PYY: variants seen among roughly 807,000 people sequenced by gnomAD.
The protein encoded by PYY is peptide YY.
A neutral mutation model predicts 10.3 loss-of-function variants in PYY; 12 were observed. The ratio of observed to expected loss-of-function variants is 1.17; its 90% CI spans 0.75 to 1.89. PYY has a LOEUF of 1.89. PYY is among the 40% of genes most tolerant of loss of function. The pLI, the probability that PYY is intolerant of heterozygous loss-of-function variation, is 0.00. For synonymous variants in PYY, 66 were observed against 62.0 expected (o/e 1.06, Z -0.30); for missense variants, 141 against 134.0 (o/e 1.05, Z -0.26).
chr17:43,984,014 C>G (rs111390042), intron 1 of PYY, among the ~76,000 whole-genome samples: 4,650 of 152,332 alleles, frequency 0.031, 214 homozygotes, highest in African/African-American at 0.096. Flanking sequence ...CCGCCGGAAC[C>G]ACGGCCGCGC....
At chr17:43,988,897 G>T (rs1184616058) in intron 1 of PYY, among the ~76,000 whole-genome samples, 1 of 151,478 alleles carries the variant, frequency 6.6e-6, no homozygotes. Context: ...GGAATAGCTG[G>T]GATTACAGGC....
At chr17:43,990,209 G>A (rs1418416942) in intron 1 of PYY, among the ~76,000 whole-genome samples, 2 of 151,588 alleles carry the variant, frequency 1.3e-5, no homozygotes, top group Non-Finnish European at 2.9e-5. Context: ...AGGCTGAGGC[G>A]GGCAGATCAC....
intron 1 of PYY, among the ~76,000 whole-genome samples, chr17:43,999,763 C>T (rs1038253551): frequency 7.6e-5 from 10 of 131,494 alleles, no homozygotes; most frequent in South Asian, 4.9e-4. Context: ...AGTGAAACTC[C>T]GTCTCAAAAA....
At chr17:43,998,158 C>T (rs927544599) in intron 1 of PYY, among the ~76,000 whole-genome samples, 10 of 152,008 alleles carry the variant, frequency 6.6e-5, no homozygotes, top group African/African-American at 2.2e-4. Context: ...AGGCTGGTCT[C>T]GAACTCCTGA....
At position 43,953,433 on chromosome 17, in the gene PYY, G is replaced by A; in HGVS notation, c.51C>T (p.Ala17=). Residue 17 remains alanine, a synonymous_variant, in exon 2 of 4, where the codon GCC becomes GCT. Transcript: ENST00000692052. ...CCAGCGCCCCTAGGCAGACGAGCAG[G>A]GCCAGAAGCACTGTGGTCAAGGCGG... is the stretch of plus-strand genomic sequence containing the variant. ...PWPALTTVLL[A]LLVCLGALVD... 6.2e-7 allele frequency: 1 copy of A among 1,612,570 alleles called. No individual in the cohort carries two copies. Among genetic ancestry groups the A allele is most frequent in the Non-Finnish European group, 8.5e-7 (1 of 1,179,406 alleles).
chr17:43,959,990 T>C (rs1178332890), intron 2 of PYY, among the ~76,000 whole-genome samples: 2 of 152,230 alleles, frequency 1.3e-5, no homozygotes, highest in African/African-American at 4.8e-5. Context: ...TTGTGGCTCC[T>C]GGCATCTGAT....
intron 1 of PYY, among the ~76,000 whole-genome samples, chr17:44,001,066 T>G (rs1380125238): frequency 6.6e-6 from 1 of 152,140 alleles, no homozygotes; most frequent in Non-Finnish European, 1.5e-5. Flanking sequence ...GCTATGGGGC[T>G]CTGTATTTGT....
At chr17:43,965,309 C>T (rs893432432) in intron 2 of PYY, among the ~76,000 whole-genome samples, 1 of 150,514 alleles carries the variant, frequency 6.6e-6, no homozygotes, top group Admixed American at 6.6e-5. Flanking sequence ...GGTGAAACCC[C>T]ATCTCTACTA....
intron 1 of PYY, among the ~76,000 whole-genome samples, chr17:44,001,428 C>T (rs2049025905): frequency 6.6e-6 from 1 of 152,174 alleles, no homozygotes; most frequent in Admixed American, 6.5e-5. Flanking sequence ...TGGACCCATA[C>T]ATCAACAATG....
At chr17:43,967,585 T>A (rs900776417) in intron 1 of PYY, among the ~76,000 whole-genome samples, 1 of 152,170 alleles carries the variant, frequency 6.6e-6, no homozygotes, top group African/African-American at 2.4e-5. Context: ...ATCGGCCACA[T>A]GTATATAACA....
intron 1 of PYY, among the ~76,000 whole-genome samples, chr17:43,992,393 C>T (rs1373911462): frequency 6.6e-6 from 1 of 151,684 alleles, no homozygotes; most frequent in East Asian, 2.0e-4. Context: ...CCAGCTTGGC[C>T]AACACGGTGA....
intron 1 of PYY, among the ~76,000 whole-genome samples, chr17:43,980,838 G>T (rs1220446384): frequency 6.6e-6 from 1 of 152,082 alleles, no homozygotes; most frequent in Non-Finnish European, 1.5e-5. Context: ...ATTCATCCGT[G>T]TTGTTGTGTG....
intron 1 of PYY, among the ~76,000 whole-genome samples, chr17:43,993,857 T>C (rs1276350057): frequency 6.6e-6 from 1 of 151,784 alleles, no homozygotes; most frequent in Non-Finnish European, 1.5e-5. Flanking sequence ...TATTAATTAT[T>C]ATTATTATTA....
In PYY at chr17:43,975,529, G is replaced by A. The variant is rs141990785; in HGVS notation, c.-462-8997C>T. Among the ~76,000 whole-genome samples the A allele has an allele frequency of 1.0e-2, 1,510 of 151,688 alleles. 20 individuals carry two copies. Among genetic ancestry groups the A allele is most frequent in the Non-Finnish European group, 0.018 (1,202 of 67,954 alleles). Reference sequence around the variant, plus strand: ...TCAAGAGCAGCCTGGGCAACATAGCGAAATCTTGTCCTACTAAAAATAAAA... The same window carrying A: ...TCAAGAGCAGCCTGGGCAACATAGCAAAATCTTGTCCTACTAAAAATAAAA... On this transcript the variant is annotated intron_variant, in intron 1 of 6. Transcript: ENST00000360085.
At chr17:43,963,582 G>GAAAGAA (rs535783368) in intron 2 of PYY, among the ~76,000 whole-genome samples, 1,678 of 73,838 alleles carry the variant, frequency 0.023, 37 homozygotes, top group East Asian at 0.086. Context: ...AAGAAAGAAA[G>GAAAGAA]AAAGAAAGAA....
chr17:43,963,235 C>T (rs1173436393), intron 2 of PYY, among the ~76,000 whole-genome samples: 2 of 152,092 alleles, frequency 1.3e-5, no homozygotes, highest in Admixed American at 6.6e-5. Context: ...GAGCTGGGCA[C>T]GGTGGCTCAT....
chr17:44,001,880 TGAA>T (rs1162519724), intron 1 of PYY, among the ~76,000 whole-genome samples: 3 of 152,126 alleles, frequency 2.0e-5, no homozygotes, highest in Non-Finnish European at 4.4e-5. Flanking sequence ...CCTGCTGTGA[TGAA>T]GAGCTGGCCT....
chr17:43,963,602 G>C (rs1376286710), intron 2 of PYY, among the ~76,000 whole-genome samples: 6 of 87,938 alleles, frequency 6.8e-5, no homozygotes, highest in Non-Finnish European at 1.4e-4. Context: ...AAGAAAGAAA[G>C]AAAGAAAGAA....
At chr17:43,979,908 A>G (rs968866962) in intron 1 of PYY, among the ~76,000 whole-genome samples, 1 of 152,118 alleles carries the variant, frequency 6.6e-6, no homozygotes, top group African/African-American at 2.4e-5. Context: ...TCAACTTTTT[A>G]TTGAAGACTA....
Sources: gnomAD v4.1 joint callset for allele counts (sites outside exome capture counted in the v4.1 genomes callset) on GRCh38, gnomAD v4.1.1 for gene constraint, MANE v1.5 for transcripts, NCBI Gene and HGNC (gene_info 2026-07-23, HGNC 2026-07-21) for gene names.